CFTR: variants seen among roughly 807,000 people sequenced by gnomAD.
The protein encoded by CFTR is cystic fibrosis transmembrane conductance regulator.
CFTR carries 181 observed loss-of-function variants against 171.6 expected under a neutral mutation model. The ratio of observed to expected loss-of-function variants is 1.05; its 90% CI spans 0.93 to 1.19. The LOEUF (loss-of-function observed/expected upper bound fraction) is 1.19. Ranked by LOEUF, CFTR falls within the 50% of genes most tolerant of loss-of-function variation. The pLI, the probability that CFTR is intolerant of heterozygous loss-of-function variation, is 0.00. For missense variants in CFTR, 1,968 were observed against 1,734.7 expected (o/e 1.13, Z -2.39); for synonymous variants, 583 against 608.0 (o/e 0.96, Z 0.60).
intron 5 of CFTR, among the ~76,000 whole-genome samples, 165 bp from the exon 6 acceptor site, chr7:117,535,083 T>A (rs756492166): frequency 2.3e-4 from 35 of 152,242 alleles, no homozygotes; most frequent in Non-Finnish European, 4.4e-4. Context: ...TTAAGCACAT[T>A]GCTATGTGCT....
At position 117,592,026 on chromosome 7, in the gene CFTR, A is replaced by G. The variant is rs397508314; in HGVS notation, c.1859A>G (p.His620Arg). Residue 620 changes from histidine (H) to arginine (R), a missense_variant, in exon 14 of 27, where the codon CAT (histidine) becomes CGT (arginine). Coordinates refer to ENST00000003084, the MANE Select transcript of CFTR (RefSeq NM_000492.4). Reference protein sequence around the residue: ...LKKADKILILHEGSSYFYGTF... With the variant: ...LKKADKILILREGSSYFYGTF... ...AAAGCTGACAAAATATTAATTTTGC[A>G]TGAAGGTAGCAGCTATTTTTATGGG... 4 of 1,595,456 alleles carry G rather than the reference A, an allele frequency of 2.5e-6. No homozygotes were observed. The highest frequency in any genetic ancestry group is 3.4e-6 in the Non-Finnish European group (4 of 1,174,694).
Position 117,540,305 on chromosome 7 carries a change from C to G in CFTR, c.1075C>G (p.Gln359Glu). 1 of 1,613,798 alleles carries G rather than the reference C, an allele frequency of 6.2e-7. No individual in the cohort carries two copies. The highest frequency in any genetic ancestry group is 8.5e-7 in the Non-Finnish European group (1 of 1,179,718). The part of the protein sequence containing the change: ...AVTRQFPWAV[Q>E]TWYDSLGAIN... ...CACTCGGCAATTTCCCTGGGCTGTA[C>G]AAACATGGTATGACTCTCTTGGAGC... Residue 359 changes from glutamine to glutamate, a missense_variant, in exon 8 of 27, where the codon CAA becomes GAA. By Grantham distance (29) the Gln-to-Glu change is conservative. Transcript: ENST00000003084.
intron 11 of CFTR, among the ~76,000 whole-genome samples, chr7:117,587,336 T>G (rs1791950858): frequency 1.3e-5 from 2 of 152,160 alleles, no homozygotes; most frequent in African/African-American, 2.4e-5. Flanking sequence ...TTGTTCATTT[T>G]GGGAGATTTC....
At chr7:117,617,051 GAAGT>G (rs1792502023) in intron 21 of CFTR, among the ~76,000 whole-genome samples, 1 of 152,118 alleles carries the variant, frequency 6.6e-6, no homozygotes, top group South Asian at 2.1e-4. Context: ...TGTGACTTCT[GAAGT>G]AAAAACTCAG....
chr7:117,545,944 G>C (rs757765756), intron 9 of CFTR, among the ~76,000 whole-genome samples: 2 of 151,662 alleles, frequency 1.3e-5, no homozygotes, highest in Non-Finnish European at 2.9e-5. Context: ...TTAGCCTACT[G>C]AGTAGCTAGG....
intron 22 of CFTR, 85 bp downstream of exon 22, chr7:117,627,855 A>C: frequency 7.6e-7 from 1 of 1,316,700 alleles, no homozygotes; most frequent in Non-Finnish European, 1.1e-6. Flanking sequence ...AGCAGAATCT[A>C]TTTGTAACAT....
intron 19 of CFTR, among the ~76,000 whole-genome samples, 199 bp from the exon 20 acceptor site, chr7:117,611,382 T>C (rs1193661165): frequency 6.6e-6 from 1 of 151,982 alleles, no homozygotes. Context: ...GGTAGCCAAG[T>C]AAAAAAAGAG....
At chr7:117,494,842 G>A (rs1798213885) in intron 1 of CFTR, among the ~76,000 whole-genome samples, 1 of 152,130 alleles carries the variant, frequency 6.6e-6, no homozygotes, top group Non-Finnish European at 1.5e-5. Flanking sequence ...AGGCCAAGGA[G>A]AGGTGGAACT....
At chr7:117,539,647 G>A (rs1799014638) in intron 7 of CFTR, among the ~76,000 whole-genome samples, 1 of 151,806 alleles carries the variant, frequency 6.6e-6, no homozygotes, top group Admixed American at 6.6e-5. Context: ...GACAATCACA[G>A]AATTGTCTTT....
intron 14 of CFTR, among the ~76,000 whole-genome samples, 158 bp from the exon 15 acceptor site, chr7:117,594,772 A>T (rs554466291): frequency 6.6e-6 from 1 of 152,344 alleles, no homozygotes. Flanking sequence ...TGGCTATAGA[A>T]TGACATCATA....
chr7:117,534,283 AG>A lies in CFTR; in HGVS notation c.498del (p.Lys166AsnfsTer7). ...MFSLIYKKTL[K>X]LSSRVLDKIS... is the part of the protein sequence containing the mutation. ...TTTCCATTTTTCTTTTAGACTTTAAAGCTGTCAAGCCGTGTTCTAGATAAAA... is the reference window on the plus strand; with the variant it reads ...TTTCCATTTTTCTTTTAGACTTTAAACTGTCAAGCCGTGTTCTAGATAAAA... On this transcript the variant is annotated frameshift_variant, in exon 5 of 27. Coordinates refer to ENST00000003084, the MANE Select transcript of CFTR (RefSeq NM_000492.4). LOFTEE classifies it high-confidence loss of function. 6.4e-7 allele frequency: 1 copy of A among 1,559,406 alleles called. No homozygotes were observed. The highest frequency in any genetic ancestry group is 8.8e-7 in the Non-Finnish European group (1 of 1,131,296).
intron 14 of CFTR, 33 bp from the exon 15 acceptor site, chr7:117,594,897 T>C: frequency 2.5e-6 from 4 of 1,607,318 alleles, no homozygotes; most frequent in Non-Finnish European, 3.4e-6. Flanking sequence ...AACTGTACTG[T>C]CTTATTGTAA....
Position 117,530,978 on chromosome 7 carries a change from C to G in CFTR, c.353C>G (p.Ser118Cys), listed in dbSNP as rs1334980869. 1.2e-6 allele frequency: 2 copies of G among 1,613,778 alleles called. No homozygotes were observed. Among genetic ancestry groups the G allele is most frequent in the South Asian group, 2.2e-5 (2 of 91,068 alleles). ...GACCCGGATAACAAGGAGGAACGCTCTATCGCGATTTATCTAGGCATAGGC... is the reference window on the plus strand; with the variant it reads ...GACCCGGATAACAAGGAGGAACGCTGTATCGCGATTTATCTAGGCATAGGC... ...SYDPDNKEER[S>C]IAIYLGIGLC... Residue 118 changes from serine (S) to cysteine (C), a missense_variant, in exon 4 of 27, where the codon TCT (serine) becomes TGT (cysteine). Physicochemically the swap from Ser to Cys is moderately radical, Grantham distance 112 (BLOSUM62 -1). Transcript: ENST00000003084.
chr7:117,644,769 T>C (rs757235727), intron 23 of CFTR, among the ~76,000 whole-genome samples: 3 of 152,146 alleles, frequency 2.0e-5, no homozygotes, highest in Non-Finnish European at 2.9e-5. Flanking sequence ...TCTGCCAGCT[T>C]GGAAGACTAT....
intron 23 of CFTR, among the ~76,000 whole-genome samples, chr7:117,649,476 A>ATG (rs1424165893): frequency 1.0e-4 from 12 of 119,998 alleles, no homozygotes; most frequent in Non-Finnish European, 6.6e-5. Context: ...ATCTGTACAT[A>ATG]TATATATAGT....
At chr7:117,607,992 A>C (rs1362594923) in intron 18 of CFTR, among the ~76,000 whole-genome samples, 1 of 152,194 alleles carries the variant, frequency 6.6e-6, no homozygotes, top group African/African-American at 2.4e-5. Flanking sequence ...CCCAAATATA[A>C]TATTATTACA....
chr7:117,560,966 T>A (rs1327913261), intron 11 of CFTR, among the ~76,000 whole-genome samples: 1 of 152,076 alleles, frequency 6.6e-6, no homozygotes, highest in East Asian at 1.9e-4. Context: ...TACAGACTTT[T>A]TTTTTGCGTT....
At chr7:117,624,943 G>A (rs1046999365) in intron 21 of CFTR, among the ~76,000 whole-genome samples, 1 of 152,134 alleles carries the variant, frequency 6.6e-6, no homozygotes, top group Non-Finnish European at 1.5e-5. Context: ...TCTCCTTCCA[G>A]AGGTACTGGA....
rs34255446 is a variant in CFTR at position 117,668,664 on chromosome 7, A to G, written c.*1556A>G. 1.3e-5 allele frequency: 2 copies of G among 152,636 alleles called. No homozygotes were observed. Among genetic ancestry groups the G allele is most frequent in the African/African-American group, 4.8e-5 (2 of 41,446 alleles). The allele number at this position is 152,636 out of a possible 1,614,324, so 9.5% of individuals were successfully genotyped here. A position where few individuals can be genotyped will look rare whatever the true frequency, so the allele number is the denominator to read the frequency against. On this transcript the variant is annotated 3_prime_UTR_variant, in exon 27 of 27. Transcript: ENST00000003084. ...CAATAAAATCCATACATTTGTGTGA[A>G]ACTTTGTTGTTTTCAGATGCGTTCA...
Sources: gnomAD v4.1 joint callset for allele counts (sites outside exome capture counted in the v4.1 genomes callset) on GRCh38, gnomAD v4.1.1 for gene constraint, MANE v1.5 for transcripts, NCBI Gene and HGNC (gene_info 2026-07-23, HGNC 2026-07-21) for gene names.